ARHGAP25: variants seen among roughly 807,000 people sequenced by gnomAD.
The protein encoded by ARHGAP25 is Rho GTPase activating protein 25, also known as rho GTPase-activating protein 25.
Under a neutral mutation model 71.0 loss-of-function variants are expected in ARHGAP25, and 34 were observed. The observed-to-expected ratio is 0.48, with a 90% CI of 0.36 to 0.64. The LOEUF (loss-of-function observed/expected upper bound fraction) is 0.64, where lower values mean the gene tolerates loss of function less well. Among genes scored for constraint, ARHGAP25 ranks in the 30% least tolerant of loss-of-function variants. The probability of loss-of-function intolerance (pLI) is 0.00; values close to 1 mark genes in which losing one functional copy is unlikely to be tolerated. For missense variants in ARHGAP25, 706 were observed against 805.1 expected (o/e 0.88, Z 1.49); for synonymous variants, 282 against 296.5 (o/e 0.95, Z 0.50).
chr2:68,767,119 C>A lies in ARHGAP25; in HGVS notation c.62-8102C>A, dbSNP rs1297186008. Among the ~76,000 whole-genome samples, 2 of 152,166 alleles carry A rather than the reference C, an allele frequency of 1.3e-5. No homozygotes were observed. The highest frequency in any genetic ancestry group is 2.9e-5 in the Non-Finnish European group (2 of 68,042). ...CTCAAGGGTGAGTGCCCTGGGAAGA[C>A]CCGTGTGGTTTAATTTCAGGGTACA... On this transcript the variant is annotated intron_variant, in intron 1 of 10. Transcript: ENST00000409202. This position sits in a 1 kb window ranked among gnomAD's most constrained non-coding sequence, Gnocchi z 4.6.
At chr2:68,759,185 G>A (rs1676656769) in intron 1 of ARHGAP25, among the ~76,000 whole-genome samples, 1 of 150,908 alleles carries the variant, frequency 6.6e-6, no homozygotes, top group South Asian at 2.1e-4. Context: ...GAAAAAGAAA[G>A]GATAAACTGA....
chr2:68,810,951 AG>A (rs1455555799), intron 5 of ARHGAP25, among the ~76,000 whole-genome samples: 4 of 152,118 alleles, frequency 2.6e-5, no homozygotes, highest in African/African-American at 9.7e-5. Flanking sequence ...CCTGTTGGCT[AG>A]GCTGGTCTCG....
At chr2:68,725,658 C>T (rs1331006056) in intron 2 of ARHGAP25, among the ~76,000 whole-genome samples, 1 of 152,124 alleles carries the variant, frequency 6.6e-6, no homozygotes, top group African/African-American at 2.4e-5. Flanking sequence ...CAAATCAAGG[C>T]ACTCCTCTGC....
rs188109236 is a variant in ARHGAP25, at chr2:68,751,074, T to C, written c.61+15814T>C. Reference sequence around the variant, plus strand: ...AGAAGGACTTGTTTTTGGAATAACATTGCAGACTCCAAAAATTGTCTACCA... The same window carrying C: ...AGAAGGACTTGTTTTTGGAATAACACTGCAGACTCCAAAAATTGTCTACCA... On this transcript the variant is annotated intron_variant, in intron 1 of 10. Coordinates refer to ENST00000409202, the MANE Select transcript of ARHGAP25 (RefSeq NM_001007231.3). Among the ~76,000 whole-genome samples, 8 of 152,330 alleles carry C rather than the reference T, an allele frequency of 5.3e-5. No homozygotes were observed. The East Asian group carries it at 9.6e-4, about 18-fold the overall frequency.
chr2:68,817,008 C>T (rs1017736709), intron 7 of ARHGAP25: 1 of 152,160 alleles, frequency 6.6e-6, no homozygotes, highest in African/African-American at 2.4e-5. Flanking sequence ...GGCATTTTTC[C>T]TTCTGGGTGT....
In ARHGAP25 at chr2:68,811,786, T is replaced by G. The variant is rs1017028253; in HGVS notation, c.675-1501T>G. On this transcript the variant is annotated intron_variant, in intron 5 of 10. Transcript: ENST00000409202. Reference sequence around the variant, plus strand: ...TCACATGCCTCCCTTCTCCTCCTCTTGTCCAGATCCACCCCTCCCTTCCCT... The same window carrying G: ...TCACATGCCTCCCTTCTCCTCCTCTGGTCCAGATCCACCCCTCCCTTCCCT... Among the ~76,000 whole-genome samples the G allele has an allele frequency of 6.6e-5, 10 of 152,200 alleles. No individual in the cohort carries two copies. In the East Asian group the frequency reaches 1.7e-3, roughly 26 times the overall value.
chr2:68,805,388 G>A (rs1479478993), intron 4 of ARHGAP25, among the ~76,000 whole-genome samples: 5 of 152,032 alleles, frequency 3.3e-5, no homozygotes, highest in Non-Finnish European at 5.9e-5. Flanking sequence ...CAGATTTGGT[G>A]GTAGTGGGGA....
At chr2:68,731,969 C>T (rs897663473), upstream of ARHGAP25, among the ~76,000 whole-genome samples, 7 of 152,190 alleles carry the variant, frequency 4.6e-5, no homozygotes, top group African/African-American at 1.4e-4. Context: ...TGCTTGTTCA[C>T]GAACGTTCTT....
chr2:68,739,055 GCCA>G (rs1675375678), intron 1 of ARHGAP25, among the ~76,000 whole-genome samples: 1 of 152,190 alleles, frequency 6.6e-6, no homozygotes, highest in African/African-American at 2.4e-5. Context: ...CAGCCTTCTG[GCCA>G]TTTGAGGAAA....
At chr2:68,725,043 C>G (rs1406303556) in intron 2 of ARHGAP25, among the ~76,000 whole-genome samples, 1 of 152,178 alleles carries the variant, frequency 6.6e-6, no homozygotes, top group African/African-American at 2.4e-5. Flanking sequence ...GAACGATACT[C>G]CTTCCTTGGA....
At chr2:68,806,774 T>C (rs1246358677) in intron 4 of ARHGAP25, among the ~76,000 whole-genome samples, 1 of 152,230 alleles carries the variant, frequency 6.6e-6, no homozygotes, top group Non-Finnish European at 1.5e-5. Flanking sequence ...TACTGTGTTA[T>C]GCTTTACTAC....
Position 68,813,283 on chromosome 2 carries a change from C to A in ARHGAP25, c.675-4C>A. 1.2e-6 allele frequency: 2 copies of A among 1,601,910 alleles called. No homozygotes were observed. Among genetic ancestry groups the A allele is most frequent in the Non-Finnish European group, 8.5e-7 (1 of 1,176,440 alleles). Reference sequence around the variant, plus strand: ...TTCACAGAGCGTTGCTTATTTTCTTCCAGAGACACAGATGTGCACACTGTG... The same window carrying A: ...TTCACAGAGCGTTGCTTATTTTCTTACAGAGACACAGATGTGCACACTGTG... On this transcript the variant is annotated splice_region_variant and splice_polypyrimidine_tract_variant and intron_variant, in intron 5 of 10. Coordinates refer to ENST00000409202, the MANE Select transcript of ARHGAP25 (RefSeq NM_001007231.3).
At chr2:68,720,861 A>G (rs955918143) in intron 2 of ARHGAP25, among the ~76,000 whole-genome samples, 9 of 152,104 alleles carry the variant, frequency 5.9e-5, no homozygotes, top group African/African-American at 2.2e-4. Flanking sequence ...CTTAAACCAC[A>G]CCAGAGGTTT....
intron 3 of ARHGAP25, among the ~76,000 whole-genome samples, chr2:68,786,253 G>A (rs1678754040): frequency 6.6e-6 from 1 of 152,192 alleles, no homozygotes; most frequent in Non-Finnish European, 1.5e-5. Context: ...GAGAAGACAT[G>A]TTTTAACAAC....
At chr2:68,776,663 A>G (rs1677942126) in intron 2 of ARHGAP25, among the ~76,000 whole-genome samples, 1 of 152,138 alleles carries the variant, frequency 6.6e-6, no homozygotes, top group African/African-American at 2.4e-5. Flanking sequence ...TGCTCTGAAC[A>G]ATTACGCCAG....
chr2:68,808,626 C>A (rs1257637715), intron 5 of ARHGAP25, among the ~76,000 whole-genome samples: 1 of 152,200 alleles, frequency 6.6e-6, no homozygotes, highest in Non-Finnish European at 1.5e-5. Flanking sequence ...TTATTGGCAT[C>A]AAACACAGGG....
chr2:68,798,978 C>T (rs1679769492), intron 4 of ARHGAP25, among the ~76,000 whole-genome samples: 1 of 152,136 alleles, frequency 6.6e-6, no homozygotes, highest in Admixed American at 6.5e-5. Flanking sequence ...ATTCTACTTG[C>T]TGTGTGGAAA....
rs1347535103 is a variant in ARHGAP25 at position 68,807,270 on chromosome 2, C to A, written c.467-3C>A. The stretch of plus-strand genomic sequence containing the variant: ...GGGCAGGTTCTGTTTGCTCTCTCCT[C>A]AGCAGTGTTTGGCCAGCGCTTGGAT... On this transcript the variant is annotated splice_polypyrimidine_tract_variant and splice_region_variant and intron_variant, in intron 4 of 10. Coordinates refer to ENST00000409202, the MANE Select transcript of ARHGAP25 (RefSeq NM_001007231.3). The A allele has an allele frequency of 6.2e-7, 1 of 1,614,202 alleles. No homozygotes were observed. Among genetic ancestry groups the A allele is most frequent in the Admixed American group, 1.7e-5 (1 of 60,020 alleles).
At chr2:68,807,514 C>A (rs1338463831) in intron 5 of ARHGAP25, 34 bp downstream of exon 5, 1 of 1,598,038 alleles carries the variant, frequency 6.3e-7, no homozygotes, top group African/African-American at 1.3e-5. Flanking sequence ...CCACCTCTGC[C>A]CTCCCCTCTG....
Sources: allele counts gnomAD v4.1 joint callset (sites outside exome capture counted in the v4.1 genomes callset), GRCh38; gene constraint gnomAD v4.1.1; non-coding constraint Gnocchi (gnomAD v3.1); transcripts MANE v1.5; gene names NCBI Gene and HGNC (gene_info 2026-07-23, HGNC 2026-07-21).